Variants in PCDHGA2 observed in about 807,000 individuals in gnomAD.
PCDHGA2 encodes protocadherin gamma-A2.
In PCDHGA2, 40 loss-of-function variants were observed where a neutral mutation model predicts 59.2. The ratio of observed to expected loss-of-function variants is 0.68; its 90% CI spans 0.52 to 0.88. The LOEUF is 0.88. Among genes scored for constraint, PCDHGA2 ranks in the 40% least tolerant of loss-of-function variants. The pLI is 0.00. For missense variants in PCDHGA2, 1,226 were observed against 1,204.0 expected (o/e 1.02, Z -0.27); for synonymous variants, 560 against 526.0 (o/e 1.06, Z -0.89).
chr5:141,394,865 G>T (rs2093117021), intron 1 of PCDHGA2: 1 of 1,613,816 alleles, frequency 6.2e-7, no homozygotes, highest in Non-Finnish European at 8.5e-7. Flanking sequence ...CGGTCGACCC[G>T]AACGATTCGA....
At chr5:141,345,520 T>C (rs1346130065) in intron 1 of PCDHGA2, 2 of 1,614,102 alleles carry the variant, frequency 1.2e-6, no homozygotes, top group Admixed American at 3.3e-5. Context: ...GAGGACACTC[T>C]CCAGGGGGCG....
intron 1 of PCDHGA2, chr5:141,396,533 T>A (rs942972836): frequency 2.0e-5 from 3 of 151,264 alleles, no homozygotes; most frequent in African/African-American, 7.3e-5. Flanking sequence ...GGCAGAAGAA[T>A]CACTTGAACC....
In PCDHGA2 at chr5:141,490,413, G is replaced by C. The variant is rs2233606; in HGVS notation, c.2425-4394G>C. 6 of 1,614,128 alleles carry C rather than the reference G, an allele frequency of 3.7e-6. No individual in the cohort carries two copies. In the South Asian group the frequency reaches 4.4e-5, roughly 12 times the overall value. On this transcript the variant is annotated intron_variant, in intron 1 of 3. Transcript: ENST00000394576. The surrounding 1 kb of genome is among the most constrained non-coding windows in gnomAD (Gnocchi z 5.4). ...GTGAAGTGAGCCTTGATATCTCTCCGGACCTGCCATTTCAGATTAAGCCTT... is the reference window on the plus strand; with the variant it reads ...GTGAAGTGAGCCTTGATATCTCTCCCGACCTGCCATTTCAGATTAAGCCTT...
intron 1 of PCDHGA2, among the ~76,000 whole-genome samples, chr5:141,459,307 A>G (rs1175102009): frequency 6.6e-6 from 1 of 152,198 alleles, no homozygotes; most frequent in Non-Finnish European, 1.5e-5. Context: ...AACATATACT[A>G]TTTTGTATCC....
Position 141,388,273 on chromosome 5 carries a change from C to T in PCDHGA2, c.2424+46878C>T. On this transcript the variant is annotated intron_variant, in intron 1 of 3. Coordinates refer to ENST00000394576, the MANE Select transcript of PCDHGA2 (RefSeq NM_018915.4). ...GAGATCGAGGACATTAATGACCACA[C>T]GCCAAAATTCACGCAAAATTCCTTT... The T allele has an allele frequency of 3.1e-6, 5 of 1,597,470 alleles. No homozygotes were observed. Among genetic ancestry groups the T allele is most frequent in the Non-Finnish European group, 4.3e-6 (5 of 1,172,964 alleles).
rs1417754081 is a variant in PCDHGA2, at chr5:141,512,046, T to C, written c.*873T>C. 1 of 152,746 alleles carries C rather than the reference T, an allele frequency of 6.5e-6. No individual in the cohort carries two copies. Among genetic ancestry groups the C allele is most frequent in the East Asian group, 1.9e-4 (1 of 5,190 alleles). 9.5% of individuals were successfully genotyped at this position (152,746 alleles called of 1,614,324 possible). Reference sequence around the variant, plus strand: ...GCCTTGGAGGAGGCTCTGTATGTCCTCAGGGGACTGACAACATCCTCCAGA... The same window carrying C: ...GCCTTGGAGGAGGCTCTGTATGTCCCCAGGGGACTGACAACATCCTCCAGA... On this transcript the variant is annotated 3_prime_UTR_variant, in exon 4 of 4. Transcript: ENST00000394576.
In PCDHGA2 at chr5:141,432,112, C is replaced by T; in HGVS notation, c.2425-62695C>T. ...CAGACACCAACGACAACCCGCCGGT[C>T]TTCCCTCAGGCCTCCTATTCCGCTT... On this transcript the variant is annotated intron_variant, in intron 1 of 3. Transcript: ENST00000394576. The surrounding 1 kb of genome is among the most constrained non-coding windows in gnomAD (Gnocchi z 6.0). 1 of 1,614,186 alleles carries T rather than the reference C, an allele frequency of 6.2e-7. No individual in the cohort carries two copies. The highest frequency in any genetic ancestry group is 8.5e-7 in the Non-Finnish European group (1 of 1,180,042).
chr5:141,351,228 A>G, intron 1 of PCDHGA2: 1 of 1,614,086 alleles, frequency 6.2e-7, no homozygotes, highest in Non-Finnish European at 8.5e-7. Context: ...GGAGGAGTAC[A>G]CACAGCTCAC....
chr5:141,388,876 T>C lies in PCDHGA2; in HGVS notation c.2424+47481T>C, dbSNP rs941783342. 6.2e-6 allele frequency: 10 copies of C among 1,613,840 alleles called. No homozygotes were observed. In the African/African-American group the frequency reaches 1.1e-4, roughly 17 times the overall value. On this transcript the variant is annotated intron_variant, in intron 1 of 3. Coordinates refer to ENST00000394576, the MANE Select transcript of PCDHGA2 (RefSeq NM_018915.4). ...GGAGGAATGATTGCGCAATGCACAGTGGAGGTAGAAGTCATAGATGAAAAT... is the reference window on the plus strand; with the variant it reads ...GGAGGAATGATTGCGCAATGCACAGCGGAGGTAGAAGTCATAGATGAAAAT...
In PCDHGA2 at chr5:141,431,280, C is replaced by T. The variant is rs2097357763; in HGVS notation, c.2425-63527C>T. The T allele has an allele frequency of 1.9e-6, 3 of 1,614,146 alleles. No homozygotes were observed. Among genetic ancestry groups the T allele is most frequent in the South Asian group, 1.1e-5 (1 of 91,088 alleles). ...TCTCTGCAGAGCTACGAGCTCAGCC[C>T]GAACACTCACTTCTCCCTCATCGTG... On this transcript the variant is annotated intron_variant, in intron 1 of 3. Transcript: ENST00000394576. This position sits in a 1 kb window ranked among gnomAD's most constrained non-coding sequence, Gnocchi z 4.8.
At chr5:141,424,357 G>A (rs1171882619) in intron 1 of PCDHGA2, 1 of 152,122 alleles carries the variant, frequency 6.6e-6, no homozygotes, top group Non-Finnish European at 1.5e-5. Context: ...ATAAAATTTA[G>A]ATCACATTTT....
Position 141,477,486 on chromosome 5 carries a change from C to A in PCDHGA2, c.2425-17321C>A. On this transcript the variant is annotated intron_variant, in intron 1 of 3. Coordinates refer to ENST00000394576, the MANE Select transcript of PCDHGA2 (RefSeq NM_018915.4). This position sits in a 1 kb window ranked among gnomAD's most constrained non-coding sequence, Gnocchi z 4.9. ...GACATCAATGACAACCCTCCACAAT[C>A]TTCTCAATCTTCCTACGACGTTTAC... is the stretch of plus-strand genomic sequence containing the variant. The A allele has an allele frequency of 6.2e-7, 1 of 1,614,170 alleles. No homozygotes were observed. The highest frequency in any genetic ancestry group is 8.5e-7 in the Non-Finnish European group (1 of 1,180,040).
chr5:141,358,755 C>A (rs926855640), intron 1 of PCDHGA2, among the ~76,000 whole-genome samples: 2 of 152,168 alleles, frequency 1.3e-5, no homozygotes, highest in African/African-American at 2.4e-5. Context: ...CTCTTGTCAT[C>A]ATGTGAGCCT....
intron 1 of PCDHGA2, chr5:141,393,226 T>C (rs1291576624): frequency 6.2e-7 from 1 of 1,613,712 alleles, no homozygotes; most frequent in Non-Finnish European, 8.5e-7. Context: ...GTCGAAGATC[T>C]AGAAGTAAAA....
intron 1 of PCDHGA2, chr5:141,346,620 C>T (rs1000182319): frequency 9.5e-7 from 1 of 1,055,734 alleles, no homozygotes; most frequent in Non-Finnish European, 1.4e-6. Flanking sequence ...TAGGACTGCA[C>T]TCCCCGGTCT....
At chr5:141,358,595 C>T (rs1760962158) in intron 1 of PCDHGA2, among the ~76,000 whole-genome samples, 1 of 152,188 alleles carries the variant, frequency 6.6e-6, no homozygotes, top group Admixed American at 6.5e-5. Flanking sequence ...TGGTGCACTC[C>T]TGTGATTATG....
At position 141,384,752 on chromosome 5, in the gene PCDHGA2, C is replaced by T. The variant is rs974144646; in HGVS notation, c.2424+43357C>T. 6.2e-6 allele frequency: 10 copies of T among 1,613,906 alleles called. No individual in the cohort carries two copies. The African/African-American group carries it at 6.7e-5, about 11-fold the overall frequency. ...AAGGCCAGCGAGCCAGGACTCTTTG[C>T]GGTTGGGCTGTACACGGGCGAGGTG... On this transcript the variant is annotated intron_variant, in intron 1 of 3. Coordinates refer to ENST00000394576, the MANE Select transcript of PCDHGA2 (RefSeq NM_018915.4).
Position 141,341,101 on chromosome 5 carries a change from G to A in PCDHGA2, c.2130G>A (p.Val710=), listed in dbSNP as rs767039997. Residue 710 remains valine (V), a synonymous_variant, in exon 1 of 4, where the codon GTG becomes GTA. Transcript: ENST00000394576. Reference sequence around the variant, plus strand: ...GCGTCTTCCTGGCCTTCGTCATCGTGTTGCTGGCGCACAGGCTGCGGCGCT... The same window carrying A: ...GCGTCTTCCTGGCCTTCGTCATCGTATTGCTGGCGCACAGGCTGCGGCGCT... The part of the protein sequence containing the change: ...VSCVFLAFVI[V]LLAHRLRRWH... 1.2e-6 allele frequency: 2 copies of A among 1,614,116 alleles called. No individual in the cohort carries two copies. Among genetic ancestry groups the A allele is most frequent in the African/African-American group, 2.7e-5 (2 of 74,936 alleles).
At chr5:141,383,989 A>G in intron 1 of PCDHGA2, 1 of 1,613,876 alleles carries the variant, frequency 6.2e-7, no homozygotes, top group Non-Finnish European at 8.5e-7. Context: ...ACCTCTTGGG[A>G]CAGTCATTGC....
Sources: gnomAD v4.1 joint callset for allele counts (sites outside exome capture counted in the v4.1 genomes callset) on GRCh38, gnomAD v4.1.1 for gene constraint, Gnocchi (gnomAD v3.1) non-coding constraint, MANE v1.5 for transcripts, NCBI Gene and HGNC (gene_info 2026-07-23, HGNC 2026-07-21) for gene names.